Variants in SYNGR1 observed in about 807,000 individuals in gnomAD.
SYNGR1 encodes synaptogyrin 1.
In SYNGR1, 14 loss-of-function variants were observed where a neutral mutation model predicts 26.1. The ratio of observed to expected loss-of-function variants is 0.54; its 90% CI spans 0.35 to 0.84. SYNGR1 has a LOEUF of 0.84. Ranked by LOEUF, SYNGR1 falls within the 40% of genes least tolerant of loss-of-function variation. SYNGR1 has a pLI of 0.01. For missense variants in SYNGR1, 319 were observed against 332.9 expected, an observed-to-expected ratio of 0.96 and a Z score of 0.33; for synonymous variants, 141 against 150.1, an observed-to-expected ratio of 0.94 and a Z score of 0.44.
intron 3 of SYNGR1, 67 bp from the exon 4 acceptor site, chr22:39,381,629 T>C: frequency 6.5e-7 from 1 of 1,545,296 alleles, no homozygotes. Flanking sequence ...AACCCAGTGC[T>C]CTTGTCTGTC....
At chr22:39,365,358 A>C (rs1416523291) in intron 1 of SYNGR1, among the ~76,000 whole-genome samples, 1 of 152,176 alleles carries the variant, frequency 6.6e-6, no homozygotes, top group Non-Finnish European at 1.5e-5. Context: ...ACTCAGGTTC[A>C]AGCCTCAACT....
chr22:39,370,967 C>T (rs1346541300), intron 1 of SYNGR1, among the ~76,000 whole-genome samples: 4 of 152,142 alleles, frequency 2.6e-5, no homozygotes, highest in South Asian at 4.1e-4. Flanking sequence ...AATGTTTGCA[C>T]CAATCCTCCC....
chr22:39,380,537 G>GT (rs1173399093), intron 3 of SYNGR1, among the ~76,000 whole-genome samples: 11 of 151,100 alleles, frequency 7.3e-5, no homozygotes, highest in Admixed American at 1.3e-4. Context: ...CTACAGGCCA[G>GT]TACCACTATG....
At chr22:39,377,342 G>A (rs1436711856) in intron 3 of SYNGR1, 53 of 985,316 alleles carry the variant, frequency 5.4e-5, no homozygotes, top group Admixed American at 1.2e-4. Flanking sequence ...ACCCCTCAGT[G>A]TCCTCAAGAC....
At position 39,385,100 on chromosome 22, in the gene SYNGR1, G is replaced by T. The variant is rs998473237; in HGVS notation, c.*3186G>T. 2.5e-6 allele frequency: 1 copy of T among 398,356 alleles called. No homozygotes were observed. Among genetic ancestry groups the T allele is most frequent in the Admixed American group, 4.4e-5 (1 of 22,732 alleles). The allele number at this position is 398,356 out of a possible 1,614,324, so 24.7% of individuals were successfully genotyped here. A position where few individuals can be genotyped will look rare whatever the true frequency, so the allele number is the denominator to read the frequency against. ...CCCATGTAACTGAGACACCCTGCCT[G>T]TTAGCCCTGGGAGACCCCTAACCTT... On this transcript the variant is annotated 3_prime_UTR_variant, in exon 4 of 4. Transcript: ENST00000328933.
At chr22:39,379,038 A>G (rs1289706435) in intron 3 of SYNGR1, among the ~76,000 whole-genome samples, 2 of 152,122 alleles carry the variant, frequency 1.3e-5, no homozygotes, top group Admixed American at 1.3e-4. Flanking sequence ...CTCGGGGAGA[A>G]CCGCGTCTAC....
At chr22:39,362,828 G>T (rs1370250645) in intron 1 of SYNGR1, among the ~76,000 whole-genome samples, 1 of 152,048 alleles carries the variant, frequency 6.6e-6, no homozygotes, top group Non-Finnish European at 1.5e-5. Flanking sequence ...TCTACCCCCC[G>T]TGCTGCCTGG....
At chr22:39,377,118 C>T in intron 3 of SYNGR1, 1 of 1,535,948 alleles carries the variant, frequency 6.5e-7, no homozygotes, top group South Asian at 1.2e-5. Context: ...GCCCAGCCTC[C>T]TGCAAGGAGA....
At chr22:39,361,946 G>T (rs1241091018) in intron 1 of SYNGR1, among the ~76,000 whole-genome samples, 1 of 151,894 alleles carries the variant, frequency 6.6e-6, no homozygotes, top group Non-Finnish European at 1.5e-5. Flanking sequence ...AGATACTTCT[G>T]CCACTGAGAG....
At position 39,374,426 on chromosome 22, in the gene SYNGR1, T is replaced by C; in HGVS notation, c.210T>C (p.Tyr70=). Residue 70 remains tyrosine (Y), a synonymous_variant, in exon 2 of 4, where the codon TAT becomes TAC. Transcript: ENST00000328933. ...IYNRNPNACS[Y]GVAVGVLAFL... is the part of the protein sequence containing the mutation. Reference sequence around the variant, plus strand: ...ACCGCAACCCCAACGCCTGCAGCTATGGCGTGGCCGTGGGCGTGCTCGCCT... The same window carrying C: ...ACCGCAACCCCAACGCCTGCAGCTACGGCGTGGCCGTGGGCGTGCTCGCCT... The C allele has an allele frequency of 6.2e-7, 1 of 1,614,008 alleles. No homozygotes were observed. Among genetic ancestry groups the C allele is most frequent in the East Asian group, 2.2e-5 (1 of 44,886 alleles).
chr22:39,381,655 C>T (rs1208501732), intron 3 of SYNGR1, 41 bp from the exon 4 acceptor site: 7 of 1,608,004 alleles, frequency 4.4e-6, no homozygotes, highest in Non-Finnish European at 6.0e-6. Flanking sequence ...CCTAACCACC[C>T]CCTCCCGCCT....
intron 2 of SYNGR1, 158 bp from the exon 3 acceptor site, chr22:39,375,894 C>T (rs1925256904): frequency 2.1e-6 from 2 of 973,810 alleles, no homozygotes; most frequent in Admixed American, 1.8e-5. Context: ...TCCCCTCTCT[C>T]TTCCCCTACC....
chr22:39,380,646 A>G (rs1925471689), intron 3 of SYNGR1, among the ~76,000 whole-genome samples: 1 of 109,294 alleles, frequency 9.1e-6, no homozygotes. Context: ...TTTTTGAGAC[A>G]GTCTCACTTT....
chr22:39,356,390 T>C (rs1924145833), intron 1 of SYNGR1, among the ~76,000 whole-genome samples: 1 of 152,116 alleles, frequency 6.6e-6, no homozygotes, highest in South Asian at 2.1e-4. Flanking sequence ...GTAAGTCTGC[T>C]GTGGTGCGTT....
At chr22:39,360,524 G>C (rs1024458896) in intron 1 of SYNGR1, among the ~76,000 whole-genome samples, 5 of 152,174 alleles carry the variant, frequency 3.3e-5, no homozygotes, top group African/African-American at 9.7e-5. Flanking sequence ...AGCCGTGAGG[G>C]GTTTATGCAT....
At position 39,377,619 on chromosome 22, in the gene SYNGR1, G is replaced by A. The variant is rs200714747; in HGVS notation, c.483+1422G>A. ...GCAGAGCCTGACCGCAGCCCTGGCCGTGCGGAGATTCAAGGACCTAAGCTT... is the reference window on the plus strand; with the variant it reads ...GCAGAGCCTGACCGCAGCCCTGGCCATGCGGAGATTCAAGGACCTAAGCTT... On this transcript the variant is annotated intron_variant, in intron 3 of 3. Transcript: ENST00000328933. 4.2e-5 allele frequency: 67 copies of A among 1,613,972 alleles called. No homozygotes were observed. In the East Asian group the frequency reaches 5.8e-4, roughly 14 times the overall value.
chr22:39,374,723 G>A (rs1569182059), intron 2 of SYNGR1, 170 bp downstream of exon 2: 1 of 733,390 alleles, frequency 1.4e-6, no homozygotes, highest in Non-Finnish European at 2.3e-6. Flanking sequence ...GATGGGACCA[G>A]GACAGGGCCT....
Position 39,364,067 on chromosome 22 carries a change from G to C in SYNGR1, c.100-10249G>C, listed in dbSNP as rs929583695. 2.5e-5 allele frequency: 38 copies of C among 1,517,508 alleles called. No individual in the cohort carries two copies. The African/African-American group carries it at 5.2e-4, about 21-fold the overall frequency. The allele number at this position is 1,517,508 out of a possible 1,614,324, so 94.0% of individuals were successfully genotyped here. On this transcript the variant is annotated intron_variant, in intron 1 of 3. Transcript: ENST00000328933. ...TTCGTTAGCCGACGCCCTGCAGTGG[G>C]TCCTAGGCACACCCTGGGTGGTCTG... is the stretch of plus-strand genomic sequence containing the variant.
chr22:39,356,526 T>C (rs1368953093), intron 1 of SYNGR1, among the ~76,000 whole-genome samples: 1 of 151,818 alleles, frequency 6.6e-6, no homozygotes, highest in Non-Finnish European at 1.5e-5. Flanking sequence ...ATGAGCAGCG[T>C]GTGCAAAGCT....
Sources: allele counts gnomAD v4.1 joint callset (sites outside exome capture counted in the v4.1 genomes callset), GRCh38; gene constraint gnomAD v4.1.1; transcripts MANE v1.5; gene names NCBI Gene and HGNC (gene_info 2026-07-23, HGNC 2026-07-21).